GNB1L: variants seen among roughly 807,000 people sequenced by gnomAD.
The protein encoded by GNB1L is guanine nucleotide-binding protein subunit beta-like protein 1.
A neutral mutation model predicts 29.1 loss-of-function variants in GNB1L; 20 were observed. The ratio of observed to expected loss-of-function variants is 0.69; its 90% CI spans 0.48 to 1.00. The LOEUF (loss-of-function observed/expected upper bound fraction) is 1.00. Among genes scored for constraint, GNB1L ranks in the 50% least tolerant of loss-of-function variants. The probability of loss-of-function intolerance (pLI) is 0.00; values close to 1 mark genes in which losing one functional copy is unlikely to be tolerated. For missense variants in GNB1L, 421 were observed against 464.9 expected (o/e 0.91, Z 0.87); for synonymous variants, 193 against 206.5 (o/e 0.93, Z 0.56).
At chr22:19,802,748 ACT>A (rs1413467382) in intron 6 of GNB1L, among the ~76,000 whole-genome samples, 2 of 152,112 alleles carry the variant, frequency 1.3e-5, no homozygotes, top group African/African-American at 4.8e-5. Context: ...TGAAAAATGA[ACT>A]CTCTGTGCTT....
chr22:19,845,655 T>G (rs1037603667), intron 2 of GNB1L, among the ~76,000 whole-genome samples: 1 of 152,144 alleles, frequency 6.6e-6, no homozygotes, highest in Admixed American at 6.5e-5. Context: ...GGCCAGCCCC[T>G]ACCCACCGTG....
intron 5 of GNB1L, among the ~76,000 whole-genome samples, chr22:19,808,478 A>G (rs1361331602): frequency 1.3e-5 from 2 of 152,154 alleles, no homozygotes; most frequent in Admixed American, 6.5e-5. Flanking sequence ...TCAAGCCTGA[A>G]CTCCAAAGCC....
chr22:19,818,090 G>A lies in GNB1L; in HGVS notation c.254+2508C>T, dbSNP rs181115261. Among the ~76,000 whole-genome samples the A allele has an allele frequency of 5.6e-3, 851 of 152,306 alleles. 10 individuals are homozygous for A. The highest frequency in any genetic ancestry group is 0.02 in the African/African-American group (816 of 41,560). Reference sequence around the variant, plus strand: ...CCACAGGCTCTAGTACAGTGCAGACGCACCTGGCACTCCACACCTGCAGTT... The same window carrying A: ...CCACAGGCTCTAGTACAGTGCAGACACACCTGGCACTCCACACCTGCAGTT... On this transcript the variant is annotated intron_variant, in intron 4 of 7. Transcript: ENST00000329517.
At chr22:19,838,422 C>A (rs1483401666) in intron 2 of GNB1L, among the ~76,000 whole-genome samples, 4 of 152,164 alleles carry the variant, frequency 2.6e-5, no homozygotes, top group Non-Finnish European at 5.9e-5. Context: ...ATGGTGCCCA[C>A]ACTCTGGAAA....
At chr22:19,813,066 G>A (rs1937512710) in intron 4 of GNB1L, among the ~76,000 whole-genome samples, 2 of 152,190 alleles carry the variant, frequency 1.3e-5, no homozygotes, top group Non-Finnish European at 2.9e-5. Flanking sequence ...GTGACGAAGA[G>A]GCACAGGGGA....
intron 2 of GNB1L, among the ~76,000 whole-genome samples, chr22:19,843,603 T>A (rs778724307): frequency 1.3e-5 from 2 of 152,108 alleles, no homozygotes; most frequent in Admixed American, 1.3e-4. Flanking sequence ...CAGGCCTGCA[T>A]CAGGCATATC....
chr22:19,790,696 G>T (rs1937243815), intron 7 of GNB1L, among the ~76,000 whole-genome samples: 2 of 151,808 alleles, frequency 1.3e-5, no homozygotes, highest in Non-Finnish European at 2.9e-5. Flanking sequence ...TTACAGATTA[G>T]CCAGGTGTGG....
intron 5 of GNB1L, among the ~76,000 whole-genome samples, chr22:19,810,000 T>C (rs567726843): frequency 7.9e-5 from 12 of 152,338 alleles, no homozygotes; most frequent in Non-Finnish European, 1.6e-4. Context: ...ACTCCTGGGT[T>C]CCTCCTGCTT....
intron 2 of GNB1L, among the ~76,000 whole-genome samples, chr22:19,836,252 T>C (rs1208090578): frequency 6.6e-6 from 1 of 152,064 alleles, no homozygotes; most frequent in Non-Finnish European, 1.5e-5. Context: ...GATAAGGAGA[T>C]ACTATGAACA....
chr22:19,787,663 C>T lies in GNB1L; in HGVS notation c.*1046G>A, dbSNP rs5748426. The T allele has an allele frequency of 0.17, 26,035 of 152,356 alleles. 2,741 individuals carry two copies. The highest frequency in any genetic ancestry group is 0.33 in the South Asian group (1,596 of 4,824). 9.4% of individuals were successfully genotyped at this position (152,356 alleles called of 1,614,324 possible). ...GCAACTGCCTCAAGGGAGGCCACCC[C>T]GGGCCTTCAGCTAGAGGGGCTCTTC... On this transcript the variant is annotated 3_prime_UTR_variant, in exon 8 of 8. Coordinates refer to ENST00000329517, the MANE Select transcript of GNB1L (RefSeq NM_053004.3).
chr22:19,806,135 G>A (rs540862973), intron 6 of GNB1L, among the ~76,000 whole-genome samples: 6 of 152,338 alleles, frequency 3.9e-5, no homozygotes, highest in Non-Finnish European at 7.4e-5. Context: ...AAGAACAGTT[G>A]AGAAGGAAGG....
chr22:19,847,898 TAA>T, intron 2 of GNB1L: 2 of 982,026 alleles, frequency 2.0e-6, no homozygotes, highest in Non-Finnish European at 2.4e-6. Flanking sequence ...TGTACTGGCA[TAA>T]AGAGTGAGGC....
chr22:19,837,458 T>C (rs1278693948), intron 2 of GNB1L, among the ~76,000 whole-genome samples: 2 of 152,190 alleles, frequency 1.3e-5, no homozygotes, highest in African/African-American at 2.4e-5. Context: ...AAAGAAGATA[T>C]GCAAATGGCA....
intron 7 of GNB1L, among the ~76,000 whole-genome samples, chr22:19,795,831 G>A (rs1364916963): frequency 1.3e-5 from 2 of 152,154 alleles, no homozygotes; most frequent in South Asian, 2.1e-4. Context: ...CTCAGAGAAC[G>A]GCCCCTCAGC....
intron 7 of GNB1L, among the ~76,000 whole-genome samples, chr22:19,799,992 C>T (rs1937351204): frequency 6.6e-6 from 1 of 152,238 alleles, no homozygotes; most frequent in Admixed American, 6.5e-5. Context: ...CCATGCAACA[C>T]AGGGCTCAGC....
intron 2 of GNB1L, among the ~76,000 whole-genome samples, chr22:19,843,408 C>A (rs1013145534): frequency 6.6e-6 from 1 of 152,258 alleles, no homozygotes; most frequent in Non-Finnish European, 1.5e-5. Flanking sequence ...GGCAGGGAGG[C>A]AGGGAGGGCC....
rs1286112247 is a variant in GNB1L at position 19,786,210 on chromosome 22, C to G, written c.*2499G>C. 1 of 152,286 alleles carries G rather than the reference C, an allele frequency of 6.6e-6. No homozygotes were observed. Among genetic ancestry groups the G allele is most frequent in the Non-Finnish European group, 1.5e-5 (1 of 68,082 alleles). The allele number at this position is 152,286 out of a possible 1,614,324, so 9.4% of individuals were successfully genotyped here. The stretch of plus-strand genomic sequence containing the variant: ...CTGGAGGGGTGAGGGCTGTGTTAGG[C>G]ATGCAGGACTCACGCTGTCCCGACT... On this transcript the variant is annotated 3_prime_UTR_variant, in exon 8 of 8. Transcript: ENST00000329517.
chr22:19,851,727 C>A (rs1260106925), intron 2 of GNB1L: 23 of 1,605,304 alleles, frequency 1.4e-5, no homozygotes, highest in Non-Finnish European at 2.0e-5. Context: ...GGGTCTTGAA[C>A]AACTTCCTTG....
intron 2 of GNB1L, among the ~76,000 whole-genome samples, chr22:19,824,547 C>T (rs1007827830): frequency 1.3e-5 from 2 of 152,268 alleles, no homozygotes; most frequent in African/African-American, 4.8e-5. Context: ...TCTAACAGCC[C>T]TTCCAGAGAA....
Sources: allele counts gnomAD v4.1 joint callset (sites outside exome capture counted in the v4.1 genomes callset), GRCh38; gene constraint gnomAD v4.1.1; transcripts MANE v1.5; gene names NCBI Gene and HGNC (gene_info 2026-07-23, HGNC 2026-07-21).